The following TBX20 variants were observed in gnomAD, a reference collection of about 807,000 sequenced individuals.
TBX20 encodes T-box transcription factor TBX20.
A neutral mutation model predicts 42.9 loss-of-function variants in TBX20; 8 were observed. The observed-to-expected ratio is 0.19, with a 90% CI of 0.11 to 0.34. The LOEUF is 0.34. Among genes scored for constraint, TBX20 ranks in the 10% least tolerant of loss-of-function variants. The pLI is 1.00. For synonymous variants in TBX20, 198 were observed against 222.8 expected (o/e 0.89, Z 0.99); for missense variants, 411 against 566.0 (o/e 0.73, Z 2.78).
At position 35,225,320 on chromosome 7, in the gene TBX20, A is replaced by G. The variant is rs1789750810; in HGVS notation, c.890+6184T>C. On this transcript the variant is annotated intron_variant, in intron 6 of 7. Transcript: ENST00000408931. ...ACGCCCAGTTGCCACATTAAAAAAAATACAAAAATATACTTTATGTAACAT... is the reference window on the plus strand; with the variant it reads ...ACGCCCAGTTGCCACATTAAAAAAAGTACAAAAATATACTTTATGTAACAT... Among the ~76,000 whole-genome samples the G allele has an allele frequency of 2.6e-5, 4 of 152,234 alleles. No homozygotes were observed. The South Asian group carries it at 6.2e-4, about 24-fold the overall frequency.
In TBX20 at chr7:35,202,690, G is replaced by T; in HGVS notation, c.1084C>A (p.Pro362Thr). The T allele has an allele frequency of 6.2e-7, 1 of 1,609,496 alleles. No homozygotes were observed. Among genetic ancestry groups the T allele is most frequent in the South Asian group, 1.1e-5 (1 of 90,098 alleles). The part of the protein sequence containing the change: ...SSSSFPGFQH[P>T]QSLTALGTST... The stretch of plus-strand genomic sequence containing the variant: ...GTGCCAAGAGCAGTCAGGGACTGTG[G>T]GTGCTGAAACCCAGGAAAACTGGAA... Residue 362 changes from proline to threonine, a missense_variant, in exon 8 of 8, where the codon CCA (proline) becomes ACA (threonine). Physicochemically the swap from Pro to Thr is conservative, Grantham distance 38 (BLOSUM62 -1). Transcript: ENST00000408931.
At chr7:35,212,243 A>G (rs893074242) in intron 6 of TBX20, among the ~76,000 whole-genome samples, 1 of 152,104 alleles carries the variant, frequency 6.6e-6, no homozygotes, top group Non-Finnish European at 1.5e-5. Flanking sequence ...TATACATTGC[A>G]GTTTTCATCT....
At chr7:35,206,735 C>A (rs1418987786) in intron 6 of TBX20, among the ~76,000 whole-genome samples, 1 of 152,174 alleles carries the variant, frequency 6.6e-6, no homozygotes, top group Non-Finnish European at 1.5e-5. Context: ...AATATAATTT[C>A]TGTTCTTGCA....
At chr7:35,238,111 T>C (rs1790003262) in intron 5 of TBX20, among the ~76,000 whole-genome samples, 1 of 152,314 alleles carries the variant, frequency 6.6e-6, no homozygotes, top group South Asian at 2.1e-4. Context: ...TGTACGATGC[T>C]GAATAAAAAT....
intron 4 of TBX20, among the ~76,000 whole-genome samples, chr7:35,242,639 C>T (rs904940853): frequency 1.3e-4 from 20 of 152,180 alleles, no homozygotes; most frequent in Middle Eastern, 6.3e-3. Context: ...TCTTTCCCCA[C>T]TTCTACCACC....
At chr7:35,218,740 A>G (rs1789631651) in intron 6 of TBX20, among the ~76,000 whole-genome samples, 1 of 152,158 alleles carries the variant, frequency 6.6e-6, no homozygotes. Flanking sequence ...GACATCTGCT[A>G]TAGTCTGAAC....
rs1258811751 is a variant in TBX20, at chr7:35,240,958, T to C, written c.734A>G (p.Asn245Ser). Reference sequence around the variant, plus strand: ...AGTTCTAAATTCTTCAGACTTCAGGTTGAGCAATGAGGCTGTGTGGTCTTT... The same window carrying C: ...AGTTCTAAATTCTTCAGACTTCAGGCTGAGCAATGAGGCTGTGTGGTCTTT... ...KKKDHTASLL[N>S]LKSEEFRTFI... The change falls in exon 5 of 8, where the codon AAC (asparagine) becomes AGC (serine). Residue 245 changes from asparagine (N) to serine (S), a missense_variant. Asn to Ser is a conservative substitution (Grantham distance 46, BLOSUM62 1). This residue lies in a region of TBX20 where 121 missense variants were observed against 165.9 expected (regional missense o/e 0.73). Coordinates refer to ENST00000408931, the MANE Select transcript of TBX20 (RefSeq NM_001077653.2). 5 of 1,613,692 alleles carry C rather than the reference T, an allele frequency of 3.1e-6. No homozygotes were observed. Among genetic ancestry groups the C allele is most frequent in the South Asian group, 1.1e-5 (1 of 91,058 alleles).
chr7:35,243,004 G>T (rs1260342239), intron 4 of TBX20, among the ~76,000 whole-genome samples: 1 of 151,916 alleles, frequency 6.6e-6, no homozygotes, highest in Non-Finnish European at 1.5e-5. Flanking sequence ...TTGAGACAGG[G>T]TCTTGCTCTG....
intron 6 of TBX20, among the ~76,000 whole-genome samples, chr7:35,220,321 G>A (rs1789658772): frequency 6.6e-6 from 1 of 152,140 alleles, no homozygotes. Context: ...GAATCCCACG[G>A]CAGCCCTCCC....
In TBX20 at chr7:35,250,160, C is replaced by T. The variant is rs1562568157; in HGVS notation, c.171G>A (p.Glu57=). Residue 57 remains glutamate (E), a synonymous_variant, in exon 2 of 8, where the codon GAG becomes GAA. Coordinates refer to ENST00000408931, the MANE Select transcript of TBX20 (RefSeq NM_001077653.2). ...EKSSCAQPLG[E]LTSLDAHGEF... is the part of the protein sequence containing the mutation. Reference sequence around the variant, plus strand: ...CCCCATGAGCATCCAGGCTGGTCAGCTCACCCAGGGGCTGGGCACAGGACG... The same window carrying T: ...CCCCATGAGCATCCAGGCTGGTCAGTTCACCCAGGGGCTGGGCACAGGACG... The T allele has an allele frequency of 8.1e-6, 13 of 1,614,114 alleles. No homozygotes were observed. The highest frequency in any genetic ancestry group is 1.0e-5 in the Non-Finnish European group (12 of 1,180,032).
chr7:35,222,745 G>C (rs1040406893), intron 6 of TBX20, among the ~76,000 whole-genome samples: 1 of 152,084 alleles, frequency 6.6e-6, no homozygotes, highest in Non-Finnish European at 1.5e-5. Flanking sequence ...GGTCTGTGTG[G>C]TGAAGCCAGC....
intron 6 of TBX20, among the ~76,000 whole-genome samples, chr7:35,230,867 A>C (rs905616960): frequency 6.6e-6 from 1 of 152,208 alleles, no homozygotes; most frequent in African/African-American, 2.4e-5. Flanking sequence ...TGACATTCAT[A>C]CTGGGCAAAA....
At chr7:35,208,759 A>G (rs1789444765) in intron 6 of TBX20, among the ~76,000 whole-genome samples, 1 of 145,206 alleles carries the variant, frequency 6.9e-6, no homozygotes, top group Non-Finnish European at 1.5e-5. Flanking sequence ...AAAAAAAAAA[A>G]AAAAAAAAAA....
chr7:35,226,473 A>G (rs560443270), intron 6 of TBX20, among the ~76,000 whole-genome samples: 2 of 152,170 alleles, frequency 1.3e-5, no homozygotes, highest in East Asian at 3.9e-4. Context: ...ATGTTCACCT[A>G]CGAAACTGGC....
intron 5 of TBX20, among the ~76,000 whole-genome samples, chr7:35,232,545 G>A (rs1789887220): frequency 2.6e-5 from 4 of 152,152 alleles, no homozygotes; most frequent in African/African-American, 9.7e-5. Flanking sequence ...AGATTCAGCT[G>A]GTCAGTAACT....
At chr7:35,250,335 G>C (rs1452795918) in intron 1 of TBX20, 132 bp from the exon 2 acceptor site, 2 of 1,090,498 alleles carry the variant, frequency 1.8e-6, no homozygotes, top group Non-Finnish European at 2.7e-6. Flanking sequence ...CAGGCAGGCT[G>C]TAGGGATGAC....
At chr7:35,221,040 T>C (rs1789673768) in intron 6 of TBX20, among the ~76,000 whole-genome samples, 3 of 152,002 alleles carry the variant, frequency 2.0e-5, no homozygotes, top group African/African-American at 4.8e-5. Flanking sequence ...AATTAGAAGA[T>C]ATAAGATGTT....
chr7:35,247,258 G>T (rs1313255097), intron 3 of TBX20, among the ~76,000 whole-genome samples: 3 of 149,738 alleles, frequency 2.0e-5, no homozygotes, highest in Non-Finnish European at 4.4e-5. Context: ...GTATTGAAAA[G>T]TTTGGAAGGT....
At chr7:35,212,435 TGC>T (rs1789512395) in intron 6 of TBX20, among the ~76,000 whole-genome samples, 1 of 152,226 alleles carries the variant, frequency 6.6e-6, no homozygotes, top group East Asian at 1.9e-4. Context: ...TCTGCATCTT[TGC>T]ATTCCTGGTA....
Sources: gnomAD v4.1 joint callset for allele counts (sites outside exome capture counted in the v4.1 genomes callset) on GRCh38, gnomAD v4.1.1 for gene constraint, gnomAD v4.1.1 regional missense constraint, MANE v1.5 for transcripts, NCBI Gene and HGNC (gene_info 2026-07-23, HGNC 2026-07-21) for gene names.